The following RTL9 variants were observed in gnomAD, a reference collection of about 807,000 sequenced individuals.
RTL9 encodes retrotransposon Gag-like protein 9.
In RTL9, 19 loss-of-function variants were observed where a neutral mutation model predicts 44.7. The observed-to-expected ratio is 0.42, with a 90% CI of 0.30 to 0.62. RTL9 has a LOEUF of 0.62. Ranked by LOEUF, RTL9 falls within the 20% of genes least tolerant of loss-of-function variation. The pLI is 0.16. For synonymous variants in RTL9, 407 were observed against 398.9 expected (o/e 1.02, Z -0.24); for missense variants, 1,105 against 1,080.6 (o/e 1.02, Z -0.32).
chrX:110,367,971 C>CT (rs1463368579), intron 1 of RTL9, among the ~76,000 whole-genome samples: 38 of 66,063 alleles, frequency 5.8e-4, no homozygotes, highest in African/African-American at 1.9e-3. Flanking sequence ...ACAGTGCTGG[C>CT]TAATTATTAT....
intron 1 of RTL9, among the ~76,000 whole-genome samples, chrX:110,394,281 A>T (rs1367213914): frequency 1.8e-5 from 2 of 111,211 alleles, no homozygotes; most frequent in Admixed American, 9.5e-5. Context: ...ACAGGGTCTC[A>T]CTCCTCTCGC....
chrX:110,359,312 T>C (rs1389318478), intron 1 of RTL9, among the ~76,000 whole-genome samples: 2 of 111,563 alleles, frequency 1.8e-5, no homozygotes, highest in Non-Finnish European at 3.8e-5. Context: ...TTTTCACCCA[T>C]GAACCCTCTA....
upstream of RTL9, among the ~76,000 whole-genome samples, chrX:110,415,151 C>T (rs897108663): frequency 8.9e-6 from 1 of 112,034 alleles, no homozygotes; most frequent in African/African-American, 3.3e-5. Context: ...CATCTCTGTA[C>T]TCCCCAGGGC....
At chrX:110,430,667 T>C (rs1452322858) in intron 1 of RTL9, among the ~76,000 whole-genome samples, 2 of 112,499 alleles carry the variant, frequency 1.8e-5, no homozygotes, top group African/African-American at 6.5e-5. Context: ...TGGCATGGTC[T>C]TGTGTTGTCA....
chrX:110,378,360 G>C lies in RTL9; in HGVS notation c.-168+19444G>C, dbSNP rs1288661629. ...CATCTACTCTCTCCTTGACTGTTGC[G>C]ATAGCCTCCTAAGCAGCCACTCCAC... On this transcript the variant is annotated intron_variant, in intron 1 of 2. Coordinates refer to the RTL9 transcript ENST00000520821. 2.7e-5 allele frequency among the ~76,000 whole-genome samples: 3 copies of C among 111,046 alleles called. No homozygotes were observed. The East Asian group carries it at 8.4e-4, about 31-fold the overall frequency.
chrX:110,414,665 T>A (rs1465251529), upstream of RTL9, among the ~76,000 whole-genome samples: 2 of 112,794 alleles, frequency 1.8e-5, no homozygotes, highest in Admixed American at 1.9e-4. Context: ...TGATGAATTA[T>A]TGTGACAAGC....
chrX:110,452,539 C>G (rs376256124), exon 1 of RTL9: 1 of 1,211,542 alleles, frequency 8.3e-7, no homozygotes. Context: ...GAAGCAATGC[C>G]CACACTGCTA....
intron 1 of RTL9, among the ~76,000 whole-genome samples, chrX:110,405,234 A>G (rs924715089): frequency 9.0e-6 from 1 of 110,778 alleles, no homozygotes; most frequent in Non-Finnish European, 1.9e-5. Context: ...TTGTGTTGTT[A>G]TCCCTCAGGG....
intron 1 of RTL9, among the ~76,000 whole-genome samples, chrX:110,392,608 A>C (rs1002482998): frequency 4.5e-5 from 5 of 111,625 alleles, no homozygotes; most frequent in African/African-American, 1.6e-4. Context: ...TAAAGAAGCC[A>C]ATACCATACA....
exon 1 of RTL9, chrX:110,450,950 G>A: frequency 8.3e-7 from 1 of 1,211,389 alleles, no homozygotes; most frequent in Non-Finnish European, 1.1e-6. Flanking sequence ...CAGACTCTGG[G>A]GCACTGTCCC....
intron 1 of RTL9, among the ~76,000 whole-genome samples, chrX:110,385,303 A>T (rs2068447531): frequency 8.9e-6 from 1 of 112,199 alleles, no homozygotes; most frequent in African/African-American, 3.2e-5. Context: ...AGTAGGTGCT[A>T]TATAAATATT....
At chrX:110,366,915 T>C (rs1433889519) in intron 1 of RTL9, among the ~76,000 whole-genome samples, 2 of 111,687 alleles carry the variant, frequency 1.8e-5, no homozygotes, top group East Asian at 5.6e-4. Flanking sequence ...ATCTTTCCTT[T>C]CCTCAAACTT....
intron 1 of RTL9, among the ~76,000 whole-genome samples, chrX:110,393,046 A>G (rs1271311020): frequency 8.9e-6 from 1 of 111,775 alleles, no homozygotes; most frequent in African/African-American, 3.3e-5. Context: ...TCCTGGATTA[A>G]GACCACATTT....
At chrX:110,446,194 G>T (rs146054822), upstream of RTL9, among the ~76,000 whole-genome samples, 1 of 111,642 alleles carries the variant, frequency 9.0e-6, no homozygotes, top group African/African-American at 3.3e-5. Context: ...TGGGACTTGC[G>T]GGGAATGGGG....
At chrX:110,444,361 C>T (rs945578991) in intron 1 of RTL9, among the ~76,000 whole-genome samples, 2 of 112,540 alleles carry the variant, frequency 1.8e-5, no homozygotes, top group Admixed American at 9.4e-5. Context: ...TCCTGTTTTA[C>T]AGGTATATGA....
At chrX:110,430,687 T>G (rs923053193) in intron 1 of RTL9, among the ~76,000 whole-genome samples, 1 of 112,396 alleles carries the variant, frequency 8.9e-6, no homozygotes. Flanking sequence ...AGTTAACCCT[T>G]GTATATAGGG....
At chrX:110,454,725 G>T (rs1256823468) in intron 1 of RTL9, 61 bp downstream of exon 3, 1 of 972,361 alleles carries the variant, frequency 1.0e-6, no homozygotes, top group Non-Finnish European at 1.4e-6. Context: ...TCACGACAGG[G>T]AATACATCCT....
At chrX:110,359,897 G>A (rs1409340010) in intron 1 of RTL9, among the ~76,000 whole-genome samples, 2 of 111,971 alleles carry the variant, frequency 1.8e-5, no homozygotes, top group East Asian at 5.6e-4. Flanking sequence ...TGGCATAGAA[G>A]GGTACTTAGA....
chrX:110,359,532 A>G (rs1169429322), intron 1 of RTL9, among the ~76,000 whole-genome samples: 1 of 111,665 alleles, frequency 9.0e-6, no homozygotes, highest in Non-Finnish European at 1.9e-5. Context: ...TCACACAACC[A>G]TCTAGTGGCA....
Sources: allele counts gnomAD v4.1 joint callset (sites outside exome capture counted in the v4.1 genomes callset), GRCh38; gene constraint gnomAD v4.1.1; transcripts MANE v1.5; gene names NCBI Gene and HGNC (gene_info 2026-07-23, HGNC 2026-07-21).